The following CUBN variants were observed in gnomAD, a reference collection of about 807,000 sequenced individuals.
CUBN encodes 460 kDa receptor.
A neutral mutation model predicts 405.3 loss-of-function variants in CUBN; 282 were observed. The observed-to-expected ratio is 0.70, with a 90% CI of 0.63 to 0.77. CUBN has a LOEUF of 0.77. Among genes scored for constraint, CUBN ranks in the 30% least tolerant of loss-of-function variants. The probability of loss-of-function intolerance (pLI) is 0.00; values close to 1 mark genes in which losing one functional copy is unlikely to be tolerated. For synonymous variants in CUBN, 1,684 were observed against 1,617.0 expected (o/e 1.04, Z -0.99); for missense variants, 4,514 against 4,475.2 (o/e 1.01, Z -0.25).
At position 16,858,921 on chromosome 10, in the gene CUBN, G is replaced by A. The variant is rs564424923; in HGVS notation, c.9455-7478C>T. Among the ~76,000 whole-genome samples the A allele has an allele frequency of 5.3e-4, 80 of 152,162 alleles. 2 individuals are homozygous for A. Among genetic ancestry groups the A allele is most frequent in the Admixed American group, 2.3e-3 (35 of 15,282 alleles). ...TGGTGCTAGAGCAATTGGACATCCA[G>A]AGGCAAAAAACTGACTTCCACCTAA... On this transcript the variant is annotated intron_variant, in intron 59 of 66. Coordinates refer to ENST00000377833, the MANE Select transcript of CUBN (RefSeq NM_001081.4).
At position 16,872,365 on chromosome 10, in the gene CUBN, G is replaced by T. The variant is rs201274089; in HGVS notation, c.9236+2009C>A. Among the ~76,000 whole-genome samples, 668 of 102,514 alleles carry T rather than the reference G, an allele frequency of 6.5e-3. 9 individuals carry two copies. The highest frequency in any genetic ancestry group is 0.035 in the African/African-American group (647 of 18,726). 67.3% of individuals were successfully genotyped at this position (102,514 alleles called of 152,430 possible). On this transcript the variant is annotated intron_variant, in intron 58 of 66. Coordinates refer to ENST00000377833, the MANE Select transcript of CUBN (RefSeq NM_001081.4). Reference sequence around the variant, plus strand: ...GTATACATACATATATATATAGATAGATAGACAGATAAAGAGAGAGAGAAT... The same window carrying T: ...GTATACATACATATATATATAGATATATAGACAGATAAAGAGAGAGAGAAT...
chr10:17,044,993 A>C lies in CUBN; in HGVS notation c.3672+14T>G. The C allele has an allele frequency of 3.1e-6, 5 of 1,612,308 alleles. No individual in the cohort carries two copies. Among genetic ancestry groups the C allele is most frequent in the Non-Finnish European group, 4.2e-6 (5 of 1,178,380 alleles). Reference sequence around the variant, plus strand: ...TGGGAGCAGGGAACAATATGATGGAAACATTATACATACAGCCAGGTAATC... The same window carrying C: ...TGGGAGCAGGGAACAATATGATGGACACATTATACATACAGCCAGGTAATC... On this transcript the variant is annotated intron_variant, in intron 25 of 66. Transcript: ENST00000377833.
At chr10:16,887,019 C>T (rs1366565967) in intron 56 of CUBN, among the ~76,000 whole-genome samples, 2 of 152,230 alleles carry the variant, frequency 1.3e-5, no homozygotes, top group Non-Finnish European at 2.9e-5. Context: ...AACTCCCGAC[C>T]TCAGGTGATC....
chr10:16,971,150 G>C (rs1344262310), intron 31 of CUBN, among the ~76,000 whole-genome samples: 1 of 152,178 alleles, frequency 6.6e-6, no homozygotes, highest in African/African-American at 2.4e-5. Flanking sequence ...ACTGGCAACT[G>C]AATATTTTTC....
intron 64 of CUBN, among the ~76,000 whole-genome samples, chr10:16,831,855 T>G (rs11254236): frequency 0.19 from 28,817 of 152,058 alleles, 2,864 homozygotes; most frequent in East Asian, 0.29. Flanking sequence ...TGTGTATGTG[T>G]GTGTGTGCAC....
chr10:16,982,242 G>T (rs777286823), intron 31 of CUBN, among the ~76,000 whole-genome samples: 3 of 152,118 alleles, frequency 2.0e-5, no homozygotes, highest in Non-Finnish European at 2.9e-5. Flanking sequence ...AAAATGAAAA[G>T]CCAACAGGCT....
At chr10:16,989,871 T>C (rs1008127288) in intron 29 of CUBN, among the ~76,000 whole-genome samples, 1 of 152,202 alleles carries the variant, frequency 6.6e-6, no homozygotes, top group African/African-American at 2.4e-5. Flanking sequence ...GTCTCTATGC[T>C]CCGCCACACG....
chr10:16,879,763 T>A (rs1470762904), intron 56 of CUBN, among the ~76,000 whole-genome samples: 1 of 152,180 alleles, frequency 6.6e-6, no homozygotes, highest in African/African-American at 2.4e-5. Flanking sequence ...TCCGAGAGAT[T>A]TGTGGCATTT....
chr10:17,073,626 A>G (rs1021531868), intron 17 of CUBN, among the ~76,000 whole-genome samples: 1 of 152,074 alleles, frequency 6.6e-6, no homozygotes, highest in East Asian at 1.9e-4. Context: ...TTGTATTTTT[A>G]GTAGAGACGG....
intron 43 of CUBN, among the ~76,000 whole-genome samples, chr10:16,923,750 A>G (rs1842104722): frequency 6.6e-6 from 1 of 152,196 alleles, no homozygotes; most frequent in South Asian, 2.1e-4. Flanking sequence ...AATTACCACT[A>G]AATGTTGACT....
intron 54 of CUBN, among the ~76,000 whole-genome samples, chr10:16,892,496 A>G (rs1841061848): frequency 6.6e-6 from 1 of 151,940 alleles, no homozygotes; most frequent in Non-Finnish European, 1.5e-5. Flanking sequence ...TATATTTTAT[A>G]TATATATGTA....
Position 16,937,590 on chromosome 10 carries a change from A to T in CUBN, c.5926+2T>A. ...AAGAACTTCATTTATTACCAAACACACCTGGAGCAATGGTAGGTAAAACAC... is the reference window on the plus strand; with the variant it reads ...AAGAACTTCATTTATTACCAAACACTCCTGGAGCAATGGTAGGTAAAACAC... On this transcript the variant is annotated splice_donor_variant, in intron 39 of 66. Coordinates refer to ENST00000377833, the MANE Select transcript of CUBN (RefSeq NM_001081.4). LOFTEE classifies it high-confidence loss of function. The T allele has an allele frequency of 1.9e-6, 3 of 1,613,406 alleles. No homozygotes were observed.
intron 20 of CUBN, 138 bp from the exon 21 acceptor site, chr10:17,068,418 T>G: frequency 1.0e-6 from 1 of 990,328 alleles, no homozygotes; most frequent in South Asian, 1.5e-5. Flanking sequence ...AACCTGATTT[T>G]TCTCTTATTA....
intron 28 of CUBN, among the ~76,000 whole-genome samples, chr10:17,018,820 G>T (rs534901172): frequency 5.3e-5 from 8 of 152,078 alleles, no homozygotes; most frequent in African/African-American, 1.9e-4. Flanking sequence ...GACACAGAGC[G>T]CTGATTGGTG....
intron 27 of CUBN, among the ~76,000 whole-genome samples, chr10:17,036,317 G>A (rs761646142): frequency 7.2e-5 from 11 of 152,172 alleles, no homozygotes; most frequent in Non-Finnish European, 1.3e-4. Flanking sequence ...AAAATTCCGA[G>A]GTTGCTGAAA....
At chr10:17,035,058 A>C (rs571286030) in intron 27 of CUBN, among the ~76,000 whole-genome samples, 2 of 147,794 alleles carry the variant, frequency 1.4e-5, no homozygotes, top group Admixed American at 1.4e-4. Flanking sequence ...CAAACTTCAA[A>C]ACAAGATATA....
At chr10:16,901,619 C>T (rs1229926524) in intron 51 of CUBN, among the ~76,000 whole-genome samples, 160 bp from the exon 52 acceptor site, 3 of 151,908 alleles carry the variant, frequency 2.0e-5, no homozygotes, top group Admixed American at 1.3e-4. Context: ...TTTGGGAGGC[C>T]GAAGTGGGCA....
chr10:17,099,517 C>A (rs548823865), intron 14 of CUBN, among the ~76,000 whole-genome samples: 54 of 152,124 alleles, frequency 3.5e-4, no homozygotes, highest in African/African-American at 1.1e-3. Flanking sequence ...CCTTTAGACA[C>A]AAAATAAATT....
chr10:16,890,348 G>A (rs1840966699), intron 55 of CUBN, 23 bp downstream of exon 55: 1 of 1,612,056 alleles, frequency 6.2e-7, no homozygotes, highest in South Asian at 1.1e-5. Context: ...AGACCTCTGG[G>A]TTTGGTTCTT....
Sources: gnomAD v4.1 joint callset for allele counts (sites outside exome capture counted in the v4.1 genomes callset) on GRCh38, gnomAD v4.1.1 for gene constraint, MANE v1.5 for transcripts, NCBI Gene and HGNC (gene_info 2026-07-23, HGNC 2026-07-21) for gene names.